The following ABL2 variants were observed in gnomAD, a reference collection of about 807,000 sequenced individuals.
The protein encoded by ABL2 is ABL proto-oncogene 2, non-receptor tyrosine kinase.
In ABL2, 49 loss-of-function variants were observed where a neutral mutation model predicts 107.7. That is an observed-to-expected ratio of 0.45 (90% CI 0.36 to 0.58). The LOEUF is 0.58. ABL2 is among the 20% of genes least tolerant of loss of function. The pLI is 0.00. For missense variants in ABL2, 1,245 were observed against 1,457.0 expected, an observed-to-expected ratio of 0.85 and a Z score of 2.37; for synonymous variants, 549 against 548.6, an observed-to-expected ratio of 1.00 and a Z score of -0.01.
At chr1:179,199,125 G>A (rs919059826) in intron 1 of ABL2, among the ~76,000 whole-genome samples, 2 of 152,240 alleles carry the variant, frequency 1.3e-5, no homozygotes, top group Non-Finnish European at 1.5e-5. Context: ...TTACACGCGT[G>A]AGCCACCACA....
chr1:179,148,330 C>T (rs774221553), intron 1 of ABL2, among the ~76,000 whole-genome samples: 2 of 152,188 alleles, frequency 1.3e-5, no homozygotes, highest in Admixed American at 6.5e-5. Flanking sequence ...TGTGAACCAC[C>T]GCACCTGGCT....
At chr1:179,131,568 C>T in intron 2 of ABL2, 87 bp from the exon 3 acceptor site, 1 of 1,377,536 alleles carries the variant, frequency 7.3e-7, no homozygotes, top group Non-Finnish European at 1.0e-6. Flanking sequence ...AGTATTTCAG[C>T]TGCTGGCTCC....
Position 179,181,039 on chromosome 1 carries a change from A to C in ABL2, c.158-47665T>G, listed in dbSNP as rs1452602420. 3.3e-5 allele frequency among the ~76,000 whole-genome samples: 5 copies of C among 152,242 alleles called. No individual in the cohort carries two copies. In the East Asian group the frequency reaches 9.6e-4, roughly 29 times the overall value. On this transcript the variant is annotated intron_variant, in intron 1 of 11. Transcript: ENST00000502732. ...AATGGTGCAAACTGCCACCAAAAAG[A>C]ACACACATGGATTTGGACACATTCT...
chr1:179,225,491 T>G (rs1663138168), intron 1 of ABL2, among the ~76,000 whole-genome samples: 1 of 152,376 alleles, frequency 6.6e-6, no homozygotes, highest in Admixed American at 6.5e-5. Context: ...CTTTCGAATC[T>G]AATTCATTCA....
intron 1 of ABL2, among the ~76,000 whole-genome samples, chr1:179,140,684 A>C (rs1657489732): frequency 6.6e-6 from 1 of 152,234 alleles, no homozygotes. Context: ...AGAATATAAA[A>C]CAAAACTCTA....
intron 1 of ABL2, among the ~76,000 whole-genome samples, chr1:179,175,272 T>C (rs978112422): frequency 6.6e-6 from 1 of 152,142 alleles, no homozygotes; most frequent in African/African-American, 2.4e-5. Context: ...GTACCAAACA[T>C]AGCCACAATA....
In ABL2 at chr1:179,204,886, A is replaced by T. The variant is rs113960271; in HGVS notation, c.157+24355T>A. 3.0e-3 allele frequency among the ~76,000 whole-genome samples: 456 copies of T among 152,324 alleles called. 1 individual carries two copies. The highest frequency in any genetic ancestry group is 0.011 in the African/African-American group (441 of 41,590). On this transcript the variant is annotated intron_variant, in intron 1 of 11. Transcript: ENST00000502732. ...GATTAATAGACTCTGTACATCGGTT[A>T]TTCTAGAGTTTCAGATAAATGTAGT... is the stretch of plus-strand genomic sequence containing the variant.
chr1:179,131,555 C>T, intron 2 of ABL2, 74 bp from the exon 3 acceptor site: 3 of 1,462,878 alleles, frequency 2.1e-6, no homozygotes, highest in Non-Finnish European at 2.9e-6. Flanking sequence ...TCATTATATA[C>T]ACAGTATTTC....
chr1:179,131,265 A>G, intron 3 of ABL2, 46 bp downstream of exon 3: 1 of 1,588,608 alleles, frequency 6.3e-7, no homozygotes, highest in Non-Finnish European at 8.6e-7. Context: ...TCTCTTAATC[A>G]TTAATGAAAA....
intron 1 of ABL2, among the ~76,000 whole-genome samples, chr1:179,157,207 T>G (rs977968802): frequency 6.6e-6 from 1 of 152,042 alleles, no homozygotes; most frequent in Non-Finnish European, 1.5e-5. Flanking sequence ...ATATTCAAAT[T>G]AGGGATACGG....
At chr1:179,198,419 C>T (rs955367969) in intron 1 of ABL2, among the ~76,000 whole-genome samples, 11 of 151,904 alleles carry the variant, frequency 7.2e-5, no homozygotes, top group African/African-American at 9.7e-5. Context: ...CCAGGCCAGG[C>T]GCAGTGGCCA....
intron 1 of ABL2, among the ~76,000 whole-genome samples, chr1:179,173,251 A>T (rs1016229021): frequency 1.3e-5 from 2 of 151,934 alleles, no homozygotes; most frequent in Middle Eastern, 3.4e-3. Context: ...TTCATTCCAC[A>T]TACATTCTTC....
intron 1 of ABL2, among the ~76,000 whole-genome samples, chr1:179,226,345 GCT>G (rs1663211412): frequency 7.8e-6 from 1 of 128,626 alleles, no homozygotes; most frequent in African/African-American, 3.0e-5. Flanking sequence ...ACAGAGTCTC[GCT>G]CTGTCACCCA....
At chr1:179,136,709 A>AT (rs1553222227) in intron 1 of ABL2, among the ~76,000 whole-genome samples, 1 of 140,642 alleles carries the variant, frequency 7.1e-6, no homozygotes, top group Non-Finnish European at 1.5e-5. Flanking sequence ...TGATCAATAA[A>AT]AAATAAATAA....
At chr1:179,210,726 C>T (rs941639611) in intron 1 of ABL2, among the ~76,000 whole-genome samples, 3 of 150,928 alleles carry the variant, frequency 2.0e-5, no homozygotes, top group African/African-American at 7.3e-5. Context: ...TAGTGGCGGG[C>T]GCCTGTAGTC....
At chr1:179,133,057 C>T (rs1341191730) in intron 2 of ABL2, among the ~76,000 whole-genome samples, 1 of 151,932 alleles carries the variant, frequency 6.6e-6, no homozygotes, top group Non-Finnish European at 1.5e-5. Flanking sequence ...CGAAGTTTCA[C>T]CATGTTGGCC....
intron 1 of ABL2, among the ~76,000 whole-genome samples, chr1:179,162,941 CAA>C (rs1406198351): frequency 5.2e-4 from 79 of 152,106 alleles, no homozygotes; most frequent in Non-Finnish European, 2.4e-4. Context: ...AAAAAAATAT[CAA>C]AGAGAGTCCT....
In ABL2 at chr1:179,227,908, G is replaced by A. The variant is rs142641324; in HGVS notation, c.157+1333C>T. Among the ~76,000 whole-genome samples, 225 of 151,962 alleles carry A rather than the reference G, an allele frequency of 1.5e-3. 1 individual carries two copies. The highest frequency in any genetic ancestry group is 5.0e-3 in the African/African-American group (206 of 41,422). Reference sequence around the variant, plus strand: ...CTACTAAAAACACAAAAAATTAGCCGGGTGTGGTGGCGGGCGCCTGTAATC... The same window carrying A: ...CTACTAAAAACACAAAAAATTAGCCAGGTGTGGTGGCGGGCGCCTGTAATC... On this transcript the variant is annotated intron_variant, in intron 1 of 11. Transcript: ENST00000502732.
chr1:179,120,148 GC>G, intron 6 of ABL2, 41 bp downstream of exon 6: 1 of 1,360,258 alleles, frequency 7.4e-7, no homozygotes, highest in Non-Finnish European at 1.0e-6. Context: ...TAAAGGGCAA[GC>G]ATTTTTGGAG....
Sources: allele counts gnomAD v4.1 joint callset (sites outside exome capture counted in the v4.1 genomes callset), GRCh38; gene constraint gnomAD v4.1.1; transcripts MANE v1.5; gene names NCBI Gene and HGNC (gene_info 2026-07-23, HGNC 2026-07-21).